The following MAF variants were observed in gnomAD, a reference collection of about 807,000 sequenced individuals.
The protein encoded by MAF is MAF bZIP transcription factor.
A neutral mutation model predicts 22.0 loss-of-function variants in MAF; 10 were observed. The observed-to-expected ratio is 0.45, with a 90% CI of 0.28 to 0.77. The LOEUF is 0.77. Among genes scored for constraint, MAF ranks in the 30% least tolerant of loss-of-function variants. The pLI is 0.12. For missense variants in MAF, 544 were observed against 548.4 expected, an observed-to-expected ratio of 0.99 and a Z score of 0.08; for synonymous variants, 337 against 255.8, an observed-to-expected ratio of 1.32 and a Z score of -3.03.
chr16:79,314,573 C>G, the MAF span, among the ~76,000 whole-genome samples: 1 of 152,090 alleles, frequency 6.6e-6, no homozygotes, highest in Non-Finnish European at 1.5e-5. Context: ...ATGGCAGGTC[C>G]CTACATTTTC....
At chr16:79,303,122 G>A in the MAF span, among the ~76,000 whole-genome samples, 1 of 152,226 alleles carries the variant, frequency 6.6e-6, no homozygotes, top group Non-Finnish European at 1.5e-5. Context: ...TGTTGGGAGA[G>A]AGGGGGTGGG....
chr16:79,216,208 G>A, the MAF span, among the ~76,000 whole-genome samples: 1 of 152,096 alleles, frequency 6.6e-6, no homozygotes, highest in African/African-American at 2.4e-5. Context: ...ATCTGTATAT[G>A]TATACGTGTC....
At chr16:79,337,523 G>T in the MAF span, among the ~76,000 whole-genome samples, 1 of 152,016 alleles carries the variant, frequency 6.6e-6, no homozygotes, top group African/African-American at 2.4e-5. Flanking sequence ...AGCCAAGATC[G>T]TGCCACTACA....
the MAF span, among the ~76,000 whole-genome samples, chr16:79,495,798 T>G: frequency 3.0e-3 from 455 of 152,204 alleles, 2 homozygotes; most frequent in African/African-American, 0.011. Context: ...TCTACACTGG[T>G]CCATTCGTTC....
At chr16:79,466,402 T>C in the MAF span, among the ~76,000 whole-genome samples, 3 of 152,366 alleles carry the variant, frequency 2.0e-5, no homozygotes, top group Admixed American at 6.5e-5. Context: ...TCAGGTTTCA[T>C]CTTGGCAGAC....
chr16:79,557,608 T>C, the MAF span, among the ~76,000 whole-genome samples: 1 of 152,076 alleles, frequency 6.6e-6, no homozygotes, highest in Non-Finnish European at 1.5e-5. Flanking sequence ...TCAATAGAGA[T>C]ACTAATAGCA....
chr16:79,283,166 G>A, the MAF span, among the ~76,000 whole-genome samples: 1 of 152,186 alleles, frequency 6.6e-6, no homozygotes, highest in East Asian at 1.9e-4. Flanking sequence ...TATGGCGTGA[G>A]TGGATAGATG....
chr16:79,214,131 T>C, the MAF span, among the ~76,000 whole-genome samples: 1 of 152,224 alleles, frequency 6.6e-6, no homozygotes, highest in Non-Finnish European at 1.5e-5. Context: ...CCTGTCTTCA[T>C]GGTGTCACCC....
At chr16:79,448,615 C>T in the MAF span, among the ~76,000 whole-genome samples, 1 of 151,872 alleles carries the variant, frequency 6.6e-6, no homozygotes, top group Admixed American at 6.6e-5. Flanking sequence ...TTAGTAGAGA[C>T]AGGGTTTCAC....
the MAF span, among the ~76,000 whole-genome samples, chr16:79,397,314 A>G: frequency 1.3e-5 from 2 of 152,214 alleles, no homozygotes; most frequent in African/African-American, 4.8e-5. Context: ...GTGGAGAGTT[A>G]AATGCAGATT....
the MAF span, among the ~76,000 whole-genome samples, chr16:79,356,923 G>C: frequency 6.6e-6 from 1 of 152,120 alleles, no homozygotes; most frequent in African/African-American, 2.4e-5. Context: ...TACTATCTAA[G>C]CATTATTATT....
the MAF span, among the ~76,000 whole-genome samples, chr16:79,208,576 C>A: frequency 6.6e-6 from 1 of 152,030 alleles, no homozygotes; most frequent in Admixed American, 6.6e-5. Flanking sequence ...TGAACTGATG[C>A]CCCAAAAGGT....
the MAF span, among the ~76,000 whole-genome samples, chr16:79,506,137 T>G: frequency 7.9e-5 from 12 of 152,160 alleles, 1 homozygote; most frequent in South Asian, 4.2e-4. Context: ...AAGAAAGAGA[T>G]TTCTTGGAGT....
the MAF span, among the ~76,000 whole-genome samples, chr16:79,428,086 C>T: frequency 7.2e-5 from 9 of 125,060 alleles, no homozygotes; most frequent in East Asian, 2.6e-4. Flanking sequence ...AGTGAGACAC[C>T]GACTCAAATT....
chr16:79,324,157 T>C, the MAF span, among the ~76,000 whole-genome samples: 2 of 152,244 alleles, frequency 1.3e-5, no homozygotes, highest in Admixed American at 1.3e-4. Flanking sequence ...TGTGCCTCAA[T>C]GTTCCCATCT....
chr16:79,353,560 G>A, the MAF span, among the ~76,000 whole-genome samples: 1 of 152,150 alleles, frequency 6.6e-6, no homozygotes, highest in African/African-American at 2.4e-5. Flanking sequence ...GTCGCCGGTA[G>A]GGAGGAGCGT....
At chr16:79,491,811 G>C in the MAF span, among the ~76,000 whole-genome samples, 3 of 152,108 alleles carry the variant, frequency 2.0e-5, no homozygotes, top group Non-Finnish European at 4.4e-5. Flanking sequence ...TAGGAAGTAG[G>C]TGATTGAGAA....
the MAF span, among the ~76,000 whole-genome samples, chr16:79,388,975 A>G: frequency 2.6e-5 from 4 of 152,220 alleles, no homozygotes; most frequent in African/African-American, 4.8e-5. Flanking sequence ...CTACTGTCCT[A>G]TAAGGAGGCC....
At chr16:79,356,034 C>T in the MAF span, among the ~76,000 whole-genome samples, 2 of 152,302 alleles carry the variant, frequency 1.3e-5, no homozygotes, top group Non-Finnish European at 2.9e-5. Flanking sequence ...CATACACATT[C>T]ATACACACAC....
Sources: gnomAD v4.1 joint callset for allele counts (sites outside exome capture counted in the v4.1 genomes callset) on GRCh38, gnomAD v4.1.1 for gene constraint, MANE v1.5 for transcripts, NCBI Gene and HGNC (gene_info 2026-07-23, HGNC 2026-07-21) for gene names.